VIRMA: variants seen among roughly 807,000 people sequenced by gnomAD.
The protein encoded by VIRMA is vir like m6A methyltransferase associated, also known as protein virilizer homolog.
VIRMA carries 65 observed loss-of-function variants against 182.4 expected under a neutral mutation model. The ratio of observed to expected loss-of-function variants is 0.36; its 90% CI spans 0.29 to 0.44. VIRMA has a LOEUF of 0.44. Among genes scored for constraint, VIRMA ranks in the 20% least tolerant of loss-of-function variants. The probability of loss-of-function intolerance (pLI) is 1.00; values close to 1 mark genes in which losing one functional copy is unlikely to be tolerated. For missense variants in VIRMA, 1,752 were observed against 2,158.1 expected (o/e 0.81, Z 3.73); for synonymous variants, 709 against 743.1 (o/e 0.95, Z 0.75).
intron 16 of VIRMA, among the ~76,000 whole-genome samples, chr8:94,505,657 A>G (rs548555651): frequency 1.6e-3 from 241 of 151,776 alleles, no homozygotes; most frequent in African/African-American, 5.4e-3. Context: ...TAATTTGTAA[A>G]TTTTTTTTAT....
chr8:94,513,069 G>A (rs1199099253), intron 11 of VIRMA, among the ~76,000 whole-genome samples: 2 of 152,228 alleles, frequency 1.3e-5, no homozygotes, highest in Non-Finnish European at 2.9e-5. Flanking sequence ...TGGGTGTGGT[G>A]GCTCATGCCT....
chr8:94,507,010 T>C (rs970481655), intron 15 of VIRMA, among the ~76,000 whole-genome samples: 6 of 152,154 alleles, frequency 3.9e-5, no homozygotes, highest in East Asian at 1.9e-4. Flanking sequence ...GCAGTAAGTA[T>C]AGTTTCTGTT....
At position 94,488,118 on chromosome 8, in the gene VIRMA, T is replaced by G. The variant is rs747705719; in HGVS notation, c.*588A>C. 1 of 152,228 alleles carries G rather than the reference T, an allele frequency of 6.6e-6. No homozygotes were observed. Among genetic ancestry groups the G allele is most frequent in the Non-Finnish European group, 1.5e-5 (1 of 68,050 alleles). 9.4% of individuals were successfully genotyped at this position (152,228 alleles called of 1,614,324 possible). ...TACTACTTTGAGGTAGTTTACATTT[T>G]CAACATTAAATAGCATTATATTCCT... On this transcript the variant is annotated 3_prime_UTR_variant, in exon 24 of 24. Transcript: ENST00000297591.
At chr8:94,516,424 C>A (rs1814563841) in intron 10 of VIRMA, among the ~76,000 whole-genome samples, 1 of 152,060 alleles carries the variant, frequency 6.6e-6, no homozygotes, top group Non-Finnish European at 1.5e-5. Flanking sequence ...CAAAACTCTC[C>A]CAGAAGCTAT....
chr8:94,514,370 G>A (rs1586083034), intron 11 of VIRMA, among the ~76,000 whole-genome samples: 1 of 152,132 alleles, frequency 6.6e-6, no homozygotes, highest in Non-Finnish European at 1.5e-5. Flanking sequence ...TGCATTATGA[G>A]TCTTAGGAAT....
At chr8:94,547,006 T>C in intron 1 of VIRMA, 1 of 455,348 alleles carries the variant, frequency 2.2e-6, no homozygotes. Context: ...CACATCCTTC[T>C]GCCCCAACTC....
chr8:94,545,218 C>A (rs750177226), intron 1 of VIRMA, among the ~76,000 whole-genome samples: 1 of 152,072 alleles, frequency 6.6e-6, no homozygotes, highest in Non-Finnish European at 1.5e-5. Flanking sequence ...CAGGATTAGG[C>A]AAATATAATT....
At position 94,488,802 on chromosome 8, in the gene VIRMA, G is replaced by A. The variant is rs2130247578; in HGVS notation, c.5343C>T (p.Ser1781=). The change falls in exon 24 of 24, where the codon TCC becomes TCT. Residue 1781 remains serine (S), a synonymous_variant. Transcript: ENST00000297591. The stretch of plus-strand genomic sequence containing the variant: ...CACTGCCGCTATTTGCACTAGCCCA[G>A]GAAGGTCCAAGTCCCCCACGACCTC... ...ASRGRGGLGP[S]WASANSGSGG... is the part of the protein sequence containing the mutation. 6.2e-7 allele frequency: 1 copy of A among 1,614,174 alleles called. No individual in the cohort carries two copies. Among genetic ancestry groups the A allele is most frequent in the Non-Finnish European group, 8.5e-7 (1 of 1,180,020 alleles).
At chr8:94,492,564 G>T in intron 21 of VIRMA, 88 bp downstream of exon 21, 2 of 1,175,732 alleles carry the variant, frequency 1.7e-6, no homozygotes, top group Non-Finnish European at 1.2e-6. Flanking sequence ...GAGCCACCGC[G>T]CTCGGCCGCA....
Position 94,526,848 on chromosome 8 carries a change from G to T in VIRMA, c.1396C>A (p.Leu466Ile), listed in dbSNP as rs1347720377. ...ACTCCTTGAGCCCCACATTCTGCTAGTGAGGACACTAATTTGGTCCCAGCT... is the reference window on the plus strand; with the variant it reads ...ACTCCTTGAGCCCCACATTCTGCTATTGAGGACACTAATTTGGTCCCAGCT... ...LKAGTKLVSS[L>I]AECGAQGVTG... is the part of the protein sequence containing the mutation. The change falls in exon 8 of 24, where the codon CTA becomes ATA. Residue 466 changes from leucine (L) to isoleucine (I), a missense_variant. By Grantham distance (5) the Leu-to-Ile change is conservative. Transcript: ENST00000297591. 1.9e-6 allele frequency: 3 copies of T among 1,614,194 alleles called. No homozygotes were observed. The Admixed American group carries it at 5.0e-5, about 27-fold the overall frequency.
chr8:94,534,958 A>C lies in VIRMA; in HGVS notation c.365T>G (p.Leu122Arg). Residue 122 changes from leucine to arginine, a missense_variant, in exon 5 of 24, where the codon CTG becomes CGG. This residue lies in a region of VIRMA where 195 missense variants were observed against 191.7 expected (regional missense o/e 1.02). Transcript: ENST00000297591. ...TCTATCCACTGATCCATATATTGCC[A>C]GTGTCAGACAGTTATACCAGCCTCT... ...VLRGWYNCLT[L>R]AIYGSVDRVI... is the part of the protein sequence containing the mutation. The C allele has an allele frequency of 6.2e-7, 1 of 1,613,692 alleles. No individual in the cohort carries two copies. The highest frequency in any genetic ancestry group is 8.5e-7 in the Non-Finnish European group (1 of 1,179,908).
At chr8:94,505,735 T>C (rs1814132015) in intron 16 of VIRMA, among the ~76,000 whole-genome samples, 1 of 152,120 alleles carries the variant, frequency 6.6e-6, no homozygotes, top group South Asian at 2.1e-4. Flanking sequence ...CAAGTGATCC[T>C]CCCACCTCAG....
chr8:94,511,262 C>T lies in VIRMA; in HGVS notation c.3313G>A (p.Val1105Ile), dbSNP rs752263887. 4 of 1,614,028 alleles carry T rather than the reference C, an allele frequency of 2.5e-6. No homozygotes were observed. The highest frequency in any genetic ancestry group is 1.1e-5 in the South Asian group (1 of 91,070). The change falls in exon 13 of 24, where the codon GTT becomes ATT. Residue 1105 changes from valine (V) to isoleucine (I), a missense_variant. By Grantham distance (29) the Val-to-Ile change is conservative (BLOSUM62 3). Around this residue, in one of 11 missense-constraint regions of VIRMA, gnomAD observed 777 missense variants for 920.6 expected, o/e 0.84. Coordinates refer to ENST00000297591, the MANE Select transcript of VIRMA (RefSeq NM_015496.5). ...AGTCCAGAAAAAAATCCTTCAGGAA[C>T]CTTCAAGATTGAAGAAAGAACTTCT... The part of the protein sequence containing the change: ...LKEVLSSILK[V>I]PEGFFSGLIL...
At chr8:94,528,584 G>A (rs1815051746) in intron 7 of VIRMA, among the ~76,000 whole-genome samples, 1 of 152,180 alleles carries the variant, frequency 6.6e-6, no homozygotes, top group Admixed American at 6.5e-5. Context: ...TTAAAGGACT[G>A]TATCATACTG....
In VIRMA at chr8:94,543,715, A is replaced by C. The variant is rs1164733504; in HGVS notation, c.179+112T>G. 4 of 646,842 alleles carry C rather than the reference A, an allele frequency of 6.2e-6. No individual in the cohort carries two copies. In the African/African-American group the frequency reaches 7.2e-5, roughly 12 times the overall value. 40.1% of individuals were successfully genotyped at this position (646,842 alleles called of 1,614,324 possible). On this transcript the variant is annotated intron_variant, in intron 2 of 23. Transcript: ENST00000297591. ...CAATGCAGCATAACCATAATTGAAT[A>C]GCTTCAGGATTTTATCACTTGTAAA... is the stretch of plus-strand genomic sequence containing the variant.
At chr8:94,518,854 A>G (rs748439545) in intron 9 of VIRMA, 131 bp downstream of exon 9, 85 of 839,036 alleles carry the variant, frequency 1.0e-4, no homozygotes, top group Non-Finnish European at 1.5e-4. Flanking sequence ...ACCTTTAATT[A>G]ACAAGTTTTG....
rs775822426 is a variant in VIRMA, at chr8:94,511,091, G to C, written c.3390+94C>G. Reference sequence around the variant, plus strand: ...ATTTTATGTCTTTTTGGGAGGAAGGGAGATGAGGGTTTTTGTTTTTTAACA... The same window carrying C: ...ATTTTATGTCTTTTTGGGAGGAAGGCAGATGAGGGTTTTTGTTTTTTAACA... On this transcript the variant is annotated intron_variant, in intron 13 of 23. Transcript: ENST00000297591. 6.0e-6 allele frequency: 9 copies of C among 1,496,746 alleles called. No homozygotes were observed. The East Asian group carries it at 1.7e-4, about 28-fold the overall frequency. The allele number at this position is 1,496,746 out of a possible 1,614,324, so 92.7% of individuals were successfully genotyped here.
At chr8:94,500,249 A>C (rs981900210) in intron 16 of VIRMA, among the ~76,000 whole-genome samples, 2 of 151,950 alleles carry the variant, frequency 1.3e-5, no homozygotes, top group African/African-American at 4.8e-5. Context: ...AATATAAAAA[A>C]TTTGCCAGGC....
At chr8:94,500,063 A>C (rs1210938373) in intron 16 of VIRMA, among the ~76,000 whole-genome samples, 1 of 151,130 alleles carries the variant, frequency 6.6e-6, no homozygotes, top group Non-Finnish European at 1.5e-5. Flanking sequence ...AAAAAAAAAA[A>C]AAAAAAAAAA....
Sources: allele counts gnomAD v4.1 joint callset (sites outside exome capture counted in the v4.1 genomes callset), GRCh38; gene constraint gnomAD v4.1.1; regional missense constraint gnomAD v4.1.1; transcripts MANE v1.5; gene names NCBI Gene and HGNC (gene_info 2026-07-23, HGNC 2026-07-21).